The following DOCK3 variants were observed in gnomAD, a reference collection of about 807,000 sequenced individuals.
DOCK3 encodes the protein dedicator of cytokinesis protein 3.
In DOCK3, 60 loss-of-function variants were observed where a neutral mutation model predicts 265.6. That is an observed-to-expected ratio of 0.23 (90% CI 0.18 to 0.28). The LOEUF (loss-of-function observed/expected upper bound fraction) is 0.28, where lower values mean the gene tolerates loss of function less well. Among genes scored for constraint, DOCK3 ranks in the 10% least tolerant of loss-of-function variants. DOCK3 has a pLI of 1.00. For missense variants in DOCK3, 1,981 were observed against 2,594.3 expected, an observed-to-expected ratio of 0.76 and a Z score of 5.14; for synonymous variants, 881 against 938.0, an observed-to-expected ratio of 0.94 and a Z score of 1.11.
chr3:51,075,969 T>A (rs2082042292), intron 7 of DOCK3, among the ~76,000 whole-genome samples: 1 of 152,136 alleles, frequency 6.6e-6, no homozygotes, highest in African/African-American at 2.4e-5. Context: ...GTAAAATAAA[T>A]AGAAGAAACC....
At chr3:51,202,632 A>T (rs1236887099) in intron 12 of DOCK3, among the ~76,000 whole-genome samples, 1 of 152,184 alleles carries the variant, frequency 6.6e-6, no homozygotes, top group Non-Finnish European at 1.5e-5. Flanking sequence ...TATTCCAAAC[A>T]ATAGAAAAAG....
At chr3:51,025,401 T>C (rs2079771395) in intron 5 of DOCK3, among the ~76,000 whole-genome samples, 1 of 152,068 alleles carries the variant, frequency 6.6e-6, no homozygotes, top group Non-Finnish European at 1.5e-5. Context: ...GTTTTCAAGG[T>C]CGGTGTCACT....
At chr3:51,196,242 T>C (rs538530947) in intron 12 of DOCK3, among the ~76,000 whole-genome samples, 1 of 152,178 alleles carries the variant, frequency 6.6e-6, no homozygotes, top group Admixed American at 6.5e-5. Context: ...GGCCAGACTT[T>C]TTTCTTTTAG....
intron 14 of DOCK3, among the ~76,000 whole-genome samples, chr3:51,214,536 A>G (rs2089677725): frequency 6.6e-6 from 1 of 152,224 alleles, no homozygotes; most frequent in Non-Finnish European, 1.5e-5. Flanking sequence ...AGAAGTGAAT[A>G]TGGAACCTTC....
chr3:51,247,266 A>C (rs1292253504), intron 22 of DOCK3, among the ~76,000 whole-genome samples: 1 of 152,378 alleles, frequency 6.6e-6, no homozygotes, highest in East Asian at 1.9e-4. Flanking sequence ...GAAGAAGGGA[A>C]TCTTAAAACT....
intron 1 of DOCK3, among the ~76,000 whole-genome samples, chr3:50,768,809 T>C (rs2041082108): frequency 1.3e-5 from 2 of 152,194 alleles, no homozygotes; most frequent in African/African-American, 4.8e-5. Context: ...TTATATTTTT[T>C]AAGTTTTGGA....
chr3:50,750,340 T>G (rs900655939), intron 1 of DOCK3, among the ~76,000 whole-genome samples: 3 of 148,862 alleles, frequency 2.0e-5, no homozygotes, highest in Admixed American at 6.7e-5. Flanking sequence ...TTTTTTTTTT[T>G]TTTTTGAGAT....
At chr3:51,073,739 A>G (rs998293343) in intron 6 of DOCK3, among the ~76,000 whole-genome samples, 2 of 152,212 alleles carry the variant, frequency 1.3e-5, no homozygotes, top group Non-Finnish European at 2.9e-5. Context: ...ATTGAAAAAC[A>G]TAAGTTTTTA....
At chr3:51,049,201 G>C (rs4541436) in intron 5 of DOCK3, among the ~76,000 whole-genome samples, 137,076 of 152,048 alleles carry the variant, frequency 0.9, 61,985 homozygotes, top group African/African-American at 0.95. Flanking sequence ...TGATGCATGC[G>C]TGTAGTCCCA....
chr3:50,719,418 G>C (rs1023735942), intron 1 of DOCK3: 4 of 591,316 alleles, frequency 6.8e-6, no homozygotes, highest in Admixed American at 2.5e-5. Flanking sequence ...TGGAGTGGAG[G>C]GGTGCTCTCC....
At chr3:51,261,858 C>T (rs916634726) in intron 23 of DOCK3, among the ~76,000 whole-genome samples, 3 of 152,194 alleles carry the variant, frequency 2.0e-5, no homozygotes, top group Non-Finnish European at 4.4e-5. Context: ...CAGACTGCCT[C>T]TCTAGATTCC....
intron 2 of DOCK3, among the ~76,000 whole-genome samples, chr3:50,786,088 G>A (rs966910141): frequency 6.6e-6 from 1 of 151,846 alleles, no homozygotes; most frequent in Non-Finnish European, 1.5e-5. Context: ...TCTAGTTTGT[G>A]CCCATAAAGA....
intron 9 of DOCK3, among the ~76,000 whole-genome samples, chr3:51,108,298 TAAGCA>T (rs2083374376): frequency 6.6e-6 from 1 of 152,120 alleles, no homozygotes; most frequent in Admixed American, 6.5e-5. Flanking sequence ...CTAAGCTTCA[TAAGCA>T]AAGGGGAAAG....
intron 7 of DOCK3, among the ~76,000 whole-genome samples, chr3:51,082,227 C>T (rs941247022): frequency 1.3e-5 from 2 of 152,004 alleles, no homozygotes; most frequent in Admixed American, 1.3e-4. Flanking sequence ...CACAGAGACA[C>T]CACAGCACAG....
intron 18 of DOCK3, among the ~76,000 whole-genome samples, chr3:51,229,222 G>A (rs531460720): frequency 6.6e-5 from 10 of 152,150 alleles, no homozygotes; most frequent in African/African-American, 1.9e-4. Context: ...AGGCCGAGGC[G>A]GACAGATCAC....
At chr3:50,896,714 C>T (rs1238698827) in intron 4 of DOCK3, among the ~76,000 whole-genome samples, 1 of 152,150 alleles carries the variant, frequency 6.6e-6, no homozygotes, top group Non-Finnish European at 1.5e-5. Flanking sequence ...ATATGGCTAG[C>T]CAGTTTTACC....
At chr3:51,159,435 G>A (rs2086022183) in intron 11 of DOCK3, 131 bp downstream of exon 11, 2 of 767,562 alleles carry the variant, frequency 2.6e-6, no homozygotes, top group South Asian at 4.2e-5. Flanking sequence ...AGTCCAGCTT[G>A]TATTGAAGCT....
chr3:51,069,604 A>G (rs2081766418), intron 6 of DOCK3, among the ~76,000 whole-genome samples: 1 of 151,864 alleles, frequency 6.6e-6, no homozygotes, highest in Non-Finnish European at 1.5e-5. Flanking sequence ...ATATATATAT[A>G]AATTTCTGGT....
Position 51,375,851 on chromosome 3 carries a change from T to G in DOCK3, c.5500+16T>G. The G allele has an allele frequency of 2.5e-6, 4 of 1,613,890 alleles. No individual in the cohort carries two copies. Among genetic ancestry groups the G allele is most frequent in the Non-Finnish European group, 3.4e-6 (4 of 1,179,794 alleles). On this transcript the variant is annotated intron_variant, in intron 51 of 52. Transcript: ENST00000266037. The stretch of plus-strand genomic sequence containing the variant: ...GCTGAAAAAGGTATTGTTGCCCAGG[T>G]GGCCTTCCCCCCATGTCTGTCCCCA...
Sources: allele counts gnomAD v4.1 joint callset (sites outside exome capture counted in the v4.1 genomes callset), GRCh38; gene constraint gnomAD v4.1.1; transcripts MANE v1.5; gene names NCBI Gene and HGNC (gene_info 2026-07-23, HGNC 2026-07-21).